PKN2: variants seen among roughly 807,000 people sequenced by gnomAD.
The protein encoded by PKN2 is protein kinase N2.
A neutral mutation model predicts 119.1 loss-of-function variants in PKN2; 38 were observed. That is an observed-to-expected ratio of 0.32 (90% CI 0.25 to 0.42). PKN2 has a LOEUF of 0.42. Among genes scored for constraint, PKN2 ranks in the 10% least tolerant of loss-of-function variants. PKN2 has a pLI of 1.00. For synonymous variants in PKN2, 390 were observed against 384.9 expected, an observed-to-expected ratio of 1.01 and a Z score of -0.15; for missense variants, 850 against 1,165.1, an observed-to-expected ratio of 0.73 and a Z score of 3.94.
intron 16 of PKN2, among the ~76,000 whole-genome samples, chr1:88,814,956 T>C (rs1330711743): frequency 6.6e-6 from 1 of 152,216 alleles, no homozygotes; most frequent in Admixed American, 6.5e-5. Flanking sequence ...GAGCAGAGAA[T>C]TGTAATACTG....
intron 17 of PKN2, among the ~76,000 whole-genome samples, chr1:88,823,703 TAAAAA>T (rs61234342): frequency 0.078 from 5,126 of 65,664 alleles, 244 homozygotes; most frequent in African/African-American, 0.2. Context: ...GACTCTGTCT[TAAAAA>T]AAAAAAAAAA....
At chr1:88,684,806 G>A (rs1391376405) in intron 1 of PKN2, 178 bp downstream of exon 1, 4 of 540,442 alleles carry the variant, frequency 7.4e-6, no homozygotes, top group Non-Finnish European at 1.3e-5. Flanking sequence ...CTGGGGAGCC[G>A]GACCCTCTCC....
In PKN2 at chr1:88,810,542, C is replaced by T. The variant is rs113542228; in HGVS notation, c.2102+2767C>T. On this transcript the variant is annotated intron_variant, in intron 15 of 21. Coordinates refer to ENST00000370521, the MANE Select transcript of PKN2 (RefSeq NM_006256.4). ...TAAATATTTACTTTCCACTTCCTAG[C>T]TCATCTTTTTAAGCCATAGAGTTTG... Among the ~76,000 whole-genome samples the T allele has an allele frequency of 9.9e-3, 1,510 of 152,266 alleles. 21 individuals are homozygous for T. Among genetic ancestry groups the T allele is most frequent in the African/African-American group, 0.034 (1,426 of 41,546 alleles).
chr1:88,791,853 T>C (rs1419684338), intron 8 of PKN2, among the ~76,000 whole-genome samples: 2 of 152,206 alleles, frequency 1.3e-5, no homozygotes, highest in African/African-American at 4.8e-5. Context: ...GTGAGAAAGA[T>C]GCTTTCTCCC....
intron 1 of PKN2, among the ~76,000 whole-genome samples, chr1:88,728,952 T>C (rs1462731209): frequency 6.7e-6 from 1 of 149,190 alleles, no homozygotes; most frequent in Admixed American, 6.8e-5. Context: ...TGGAGTGCAA[T>C]GACACGATCT....
At chr1:88,770,608 C>T (rs904117807) in intron 4 of PKN2, 139 bp downstream of exon 4, 28 of 566,944 alleles carry the variant, frequency 4.9e-5, no homozygotes, top group South Asian at 1.2e-4. Flanking sequence ...TTTTTTGAGA[C>T]GGAGTCTCGC....
chr1:88,721,959 G>A (rs1048925694), intron 1 of PKN2, among the ~76,000 whole-genome samples: 16 of 152,228 alleles, frequency 1.1e-4, no homozygotes, highest in African/African-American at 3.9e-4. Context: ...TTTGTAATCT[G>A]CATCCCTATT....
chr1:88,754,370 T>C (rs1669120943), intron 2 of PKN2, among the ~76,000 whole-genome samples: 1 of 152,162 alleles, frequency 6.6e-6, no homozygotes, highest in Non-Finnish European at 1.5e-5. Flanking sequence ...ATCTTAGCAC[T>C]CAAGATGCTT....
chr1:88,788,872 C>T (rs1670692504), intron 8 of PKN2, among the ~76,000 whole-genome samples: 1 of 152,144 alleles, frequency 6.6e-6, no homozygotes, highest in African/African-American at 2.4e-5. Context: ...CTCAGCCTTC[C>T]TGTTATAAAA....
At chr1:88,718,154 A>G (rs1570524561) in intron 1 of PKN2, among the ~76,000 whole-genome samples, 2 of 152,348 alleles carry the variant, frequency 1.3e-5, no homozygotes. Context: ...ATTGCAGAAC[A>G]GCAAATGTTG....
chr1:88,806,212 T>C lies in PKN2; in HGVS notation c.1803+195T>C. ...TCTTGTTACCCAGGCTGGAGTGCAA[T>C]GGCATGATCTCGGCTCACTGCAACC... On this transcript the variant is annotated intron_variant, in intron 12 of 21. Coordinates refer to ENST00000370521, the MANE Select transcript of PKN2 (RefSeq NM_006256.4). 3.6e-6 allele frequency: 2 copies of C among 549,896 alleles called. 1 individual carries two copies. The highest frequency in any genetic ancestry group is 6.5e-5 in the East Asian group (2 of 30,658). 34.1% of individuals were successfully genotyped at this position (549,896 alleles called of 1,614,324 possible).
intron 8 of PKN2, among the ~76,000 whole-genome samples, chr1:88,788,412 A>C (rs1670670926): frequency 6.6e-6 from 1 of 152,138 alleles, no homozygotes. Context: ...CCCTCAGGCT[A>C]AGTAACTAGC....
At chr1:88,727,481 T>C (rs1050650659) in intron 1 of PKN2, among the ~76,000 whole-genome samples, 1 of 152,174 alleles carries the variant, frequency 6.6e-6, no homozygotes, top group Non-Finnish European at 1.5e-5. Flanking sequence ...CAAGGCCACA[T>C]TTTTTTAATC....
rs74637679 is a variant in PKN2, at chr1:88,701,555, T to C, written c.48+16927T>C. Among the ~76,000 whole-genome samples the C allele has an allele frequency of 1.0e-2, 1,522 of 152,358 alleles. 21 individuals carry two copies. Among genetic ancestry groups the C allele is most frequent in the African/African-American group, 0.035 (1,437 of 41,578 alleles). The stretch of plus-strand genomic sequence containing the variant: ...AAAAACAGCAAAGCATTAAGTATTC[T>C]GACTTTATTTTGTCTAGCCTTGTGA... On this transcript the variant is annotated intron_variant, in intron 1 of 21. Coordinates refer to ENST00000370521, the MANE Select transcript of PKN2 (RefSeq NM_006256.4).
At chr1:88,715,421 A>G (rs1667407788) in intron 1 of PKN2, among the ~76,000 whole-genome samples, 1 of 152,032 alleles carries the variant, frequency 6.6e-6, no homozygotes, top group African/African-American at 2.4e-5. Flanking sequence ...TTGGTAGACT[A>G]TTAATCATTT....
At chr1:88,830,203 T>TA (rs1273495866) in intron 19 of PKN2, among the ~76,000 whole-genome samples, 2 of 152,172 alleles carry the variant, frequency 1.3e-5, no homozygotes, top group African/African-American at 4.8e-5. Flanking sequence ...AGAGCATATC[T>TA]AAAGCATTAT....
At chr1:88,717,414 C>G (rs9727573) in intron 1 of PKN2, among the ~76,000 whole-genome samples, 16,868 of 151,834 alleles carry the variant, frequency 0.11, 1,880 homozygotes, top group African/African-American at 0.3. Context: ...CCATTCTCCC[C>G]ATCACTTTCA....
chr1:88,740,211 A>G (rs558790802), intron 1 of PKN2, among the ~76,000 whole-genome samples: 2 of 152,208 alleles, frequency 1.3e-5, no homozygotes, highest in African/African-American at 2.4e-5. Context: ...CCTCCCACAC[A>G]TACCAAAGAA....
At position 88,821,989 on chromosome 1, in the gene PKN2, C is replaced by T; in HGVS notation, c.2328C>T (p.His776=). 2 of 1,571,516 alleles carry T rather than the reference C, an allele frequency of 1.3e-6. No homozygotes were observed. The highest frequency in any genetic ancestry group is 1.7e-6 in the Non-Finnish European group (2 of 1,162,860). The change falls in exon 17 of 22, where the codon CAC becomes CAT. Residue 776 remains histidine (H), a synonymous_variant. Coordinates refer to ENST00000370521, the MANE Select transcript of PKN2 (RefSeq NM_006256.4). ...TTGGGTTGCAGTATTTACATGAACA[C>T]AAAATTGTTTATAGGTAAGTTAATT... ...VVLGLQYLHE[H]KIVYRDLKLD...
Sources: gnomAD v4.1 joint callset for allele counts (sites outside exome capture counted in the v4.1 genomes callset) on GRCh38, gnomAD v4.1.1 for gene constraint, MANE v1.5 for transcripts, NCBI Gene and HGNC (gene_info 2026-07-23, HGNC 2026-07-21) for gene names.